ZMYND8: variants seen among roughly 807,000 people sequenced by gnomAD.
ZMYND8 encodes the protein MYND-type zinc finger-containing chromatin reader ZMYND8.
A neutral mutation model predicts 140.8 loss-of-function variants in ZMYND8; 37 were observed. That is an observed-to-expected ratio of 0.26 (90% CI 0.20 to 0.35). ZMYND8 has a LOEUF of 0.35. Ranked by LOEUF, ZMYND8 falls within the 10% of genes least tolerant of loss-of-function variation. ZMYND8 has a pLI of 1.00. For missense variants in ZMYND8, 1,068 were observed against 1,570.0 expected (o/e 0.68, Z 5.40); for synonymous variants, 592 against 597.1 (o/e 0.99, Z 0.12).
Position 47,210,725 on chromosome 20 carries a change from C to A in ZMYND8, c.*36G>T. 1 of 1,613,916 alleles carries A rather than the reference C, an allele frequency of 6.2e-7. No homozygotes were observed. The highest frequency in any genetic ancestry group is 8.5e-7 in the Non-Finnish European group (1 of 1,179,956). ...CTTTTCCTGGCGTCTGGGTTTTTCT[C>A]CCAATGGGGTGGGTGGTTTGTGTCC... On this transcript the variant is annotated 3_prime_UTR_variant, in exon 23 of 23. Transcript: ENST00000471951.
chr20:47,230,436 G>A (rs1012245170), intron 16 of ZMYND8, among the ~76,000 whole-genome samples: 4 of 151,818 alleles, frequency 2.6e-5, no homozygotes, highest in East Asian at 1.9e-4. Flanking sequence ...GATTACAAGC[G>A]CACACCACCA....
chr20:47,337,138 G>C (rs1015978479), intron 2 of ZMYND8, among the ~76,000 whole-genome samples: 2 of 152,178 alleles, frequency 1.3e-5, no homozygotes, highest in South Asian at 4.1e-4. Flanking sequence ...GATCACCTGA[G>C]GTCAGGAATT....
rs373319879 is a variant in ZMYND8 at position 47,268,182 on chromosome 20, G to A, written c.1481-5754C>T. ...GCAATAAACAAACAATGACGAGGCC[G>A]GTCGCAGTGAGTCTCGACTGGTCCA... On this transcript the variant is annotated intron_variant, in intron 11 of 22. Transcript: ENST00000471951. Among the ~76,000 whole-genome samples the A allele has an allele frequency of 1.1e-3, 162 of 152,206 alleles. 1 individual carries two copies. Among genetic ancestry groups the A allele is most frequent in the African/African-American group, 3.8e-3 (158 of 41,536 alleles).
intron 12 of ZMYND8, among the ~76,000 whole-genome samples, chr20:47,258,154 T>C (rs979267582): frequency 1.3e-5 from 2 of 152,206 alleles, no homozygotes; most frequent in African/African-American, 2.4e-5. Flanking sequence ...CCACATCCTT[T>C]ACAAATTTCA....
intron 2 of ZMYND8, among the ~76,000 whole-genome samples, chr20:47,338,879 G>A (rs1242555466): frequency 1.3e-5 from 2 of 152,138 alleles, no homozygotes; most frequent in African/African-American, 4.8e-5. Flanking sequence ...GAAGCTTGCA[G>A]GGCAGTGCAA....
chr20:47,265,070 G>A (rs924544586), intron 11 of ZMYND8, among the ~76,000 whole-genome samples: 1 of 87,056 alleles, frequency 1.1e-5, no homozygotes, highest in East Asian at 3.1e-4. Flanking sequence ...ATATATATAG[G>A]CATTTTAACG....
chr20:47,267,560 G>A (rs1034290074), intron 11 of ZMYND8, among the ~76,000 whole-genome samples: 14 of 151,794 alleles, frequency 9.2e-5, no homozygotes, highest in African/African-American at 2.2e-4. Flanking sequence ...TGGAGACCCC[G>A]TAAGCACTTC....
At chr20:47,258,721 G>A (rs752769262) in intron 12 of ZMYND8, among the ~76,000 whole-genome samples, 1 of 152,086 alleles carries the variant, frequency 6.6e-6, no homozygotes, top group Non-Finnish European at 1.5e-5. Flanking sequence ...TCGTTCCACG[G>A]CTGACAGACA....
intron 4 of ZMYND8, among the ~76,000 whole-genome samples, chr20:47,297,578 T>G (rs1455246854): frequency 2.0e-5 from 3 of 151,864 alleles, no homozygotes; most frequent in Admixed American, 6.6e-5. Flanking sequence ...CATACCACCA[T>G]GCCCAGCTAA....
chr20:47,272,481 CATA>C (rs1174457552), intron 11 of ZMYND8, among the ~76,000 whole-genome samples: 2 of 152,150 alleles, frequency 1.3e-5, no homozygotes, highest in Non-Finnish European at 2.9e-5. Context: ...GACCCTAATA[CATA>C]TTAATAACTT....
At chr20:47,245,646 A>G (rs2040478712) in intron 14 of ZMYND8, among the ~76,000 whole-genome samples, 1 of 152,238 alleles carries the variant, frequency 6.6e-6, no homozygotes, top group Admixed American at 6.5e-5. Flanking sequence ...AAATGTTAAC[A>G]AACACTTTGG....
In ZMYND8 at chr20:47,291,799, T is replaced by C; in HGVS notation, c.657A>G (p.Glu219=). The change falls in exon 6 of 23, where the codon GAA becomes GAG. Residue 219 remains glutamate, a synonymous_variant. Coordinates refer to ENST00000471951, the MANE Select transcript of ZMYND8 (RefSeq NM_001281775.3). ...AGGTTCTTTGACGGAGGCCAACCTTTTCCAATGTACAAAGGTCCATTGGAT... is the reference window on the plus strand; with the variant it reads ...AGGTTCTTTGACGGAGGCCAACCTTCTCCAATGTACAAAGGTCCATTGGAT... ...IFHPMDLCTL[E]KNAKKKMYGC... The C allele has an allele frequency of 6.2e-7, 1 of 1,609,472 alleles. No homozygotes were observed. Among genetic ancestry groups the C allele is most frequent in the Non-Finnish European group, 8.5e-7 (1 of 1,177,788 alleles).
chr20:47,277,008 C>T (rs79738346), intron 10 of ZMYND8, among the ~76,000 whole-genome samples: 11,374 of 151,504 alleles, frequency 0.075, 594 homozygotes, highest in South Asian at 0.22. Flanking sequence ...AAAACTTCGG[C>T]GAAAACATTT....
chr20:47,219,846 T>A (rs939080328), intron 21 of ZMYND8, among the ~76,000 whole-genome samples: 1 of 152,160 alleles, frequency 6.6e-6, no homozygotes, highest in African/African-American at 2.4e-5. Flanking sequence ...TCTCAAAGGC[T>A]TGAGCGCCTT....
chr20:47,210,934 CA>C, intron 22 of ZMYND8, 37 bp from the exon 23 acceptor site: 1 of 1,601,964 alleles, frequency 6.2e-7, no homozygotes, highest in East Asian at 2.2e-5. Flanking sequence ...CGTGCCTGCC[CA>C]CCTGCGCCTG....
At chr20:47,281,574 G>A (rs187930746) in intron 10 of ZMYND8, among the ~76,000 whole-genome samples, 3 of 152,312 alleles carry the variant, frequency 2.0e-5, no homozygotes, top group African/African-American at 7.2e-5. Flanking sequence ...GGAGGGAAAG[G>A]GGAGGGCAGG....
intron 3 of ZMYND8, among the ~76,000 whole-genome samples, chr20:47,305,278 GCT>G (rs2148146429): frequency 6.7e-6 from 1 of 149,928 alleles, no homozygotes; most frequent in Admixed American, 6.7e-5. Context: ...ACAGAGTCTC[GCT>G]CTGTCACCCA....
rs902103951 is a variant in ZMYND8 at position 47,334,095 on chromosome 20, T to C, written c.85+13761A>G. 2.3e-4 allele frequency among the ~76,000 whole-genome samples: 35 copies of C among 152,184 alleles called. 1 individual carries two copies. The highest frequency in any genetic ancestry group is 1.7e-3 in the Admixed American group (26 of 15,276). On this transcript the variant is annotated intron_variant, in intron 2 of 22. Coordinates refer to ENST00000471951, the MANE Select transcript of ZMYND8 (RefSeq NM_001281775.3). Reference sequence around the variant, plus strand: ...ATCTAATGCGAAGCCTATTGTATAATAGTGTTGACTCTCTCATGTAATTTA... The same window carrying C: ...ATCTAATGCGAAGCCTATTGTATAACAGTGTTGACTCTCTCATGTAATTTA...
intron 14 of ZMYND8, among the ~76,000 whole-genome samples, chr20:47,243,450 G>C (rs2040199680): frequency 6.6e-6 from 1 of 152,220 alleles, no homozygotes; most frequent in Non-Finnish European, 1.5e-5. Context: ...ATTCCCTTCA[G>C]ACATCAATGT....
Sources: gnomAD v4.1 joint callset for allele counts (sites outside exome capture counted in the v4.1 genomes callset) on GRCh38, gnomAD v4.1.1 for gene constraint, MANE v1.5 for transcripts, NCBI Gene and HGNC (gene_info 2026-07-23, HGNC 2026-07-21) for gene names.